MTMR9: variants seen among roughly 807,000 people sequenced by gnomAD.
MTMR9 encodes the protein myotubularin related protein 9.
In MTMR9, 39 loss-of-function variants were observed where a neutral mutation model predicts 69.5. The observed-to-expected ratio is 0.56, with a 90% CI of 0.43 to 0.73. The LOEUF is 0.73. MTMR9 is among the 30% of genes least tolerant of loss of function. The pLI, the probability that MTMR9 is intolerant of heterozygous loss-of-function variation, is 0.00. For missense variants in MTMR9, 900 were observed against 671.2 expected (o/e 1.34, Z -3.77); for synonymous variants, 354 against 240.8 (o/e 1.47, Z -4.35).
intron 2 of MTMR9, among the ~76,000 whole-genome samples, chr8:11,296,907 T>C (rs1161729409): frequency 6.6e-6 from 1 of 152,170 alleles, no homozygotes; most frequent in Non-Finnish European, 1.5e-5. Context: ...TAATATTGAA[T>C]ATTGGTTCAG....
At chr8:11,328,646 C>A (rs1801055489), downstream of MTMR9, among the ~76,000 whole-genome samples, 1 of 152,154 alleles carries the variant, frequency 6.6e-6, no homozygotes, top group African/African-American at 2.4e-5. Flanking sequence ...TAGGCAATGC[C>A]TAACAGTGAA....
rs993397161 is a variant in MTMR9, at chr8:11,327,859, G to A, written c.*5071G>A. The A allele has an allele frequency of 1.3e-5, 2 of 152,498 alleles. No homozygotes were observed. Among genetic ancestry groups the A allele is most frequent in the African/African-American group, 2.4e-5 (1 of 41,392 alleles). The allele number at this position is 152,498 out of a possible 1,614,324, so 9.4% of individuals were successfully genotyped here. On this transcript the variant is annotated 3_prime_UTR_variant, in exon 10 of 10. Coordinates refer to ENST00000221086, the MANE Select transcript of MTMR9 (RefSeq NM_015458.4). Reference sequence around the variant, plus strand: ...ACAGTCTTAGGGAAAAAAAAAAGCAGAACTTTTGTAAGTCTGTGTAACATT... The same window carrying A: ...ACAGTCTTAGGGAAAAAAAAAAGCAAAACTTTTGTAAGTCTGTGTAACATT...
chr8:11,331,623 C>T, downstream of MTMR9: 2 of 1,608,818 alleles, frequency 1.2e-6, no homozygotes, highest in South Asian at 1.1e-5. Context: ...AATCATCATT[C>T]TGGGACCTGG....
the MTMR9 span, among the ~76,000 whole-genome samples, chr8:11,338,748 C>G: frequency 2.0e-5 from 3 of 152,184 alleles, no homozygotes; most frequent in African/African-American, 4.8e-5. Flanking sequence ...GTTTCTAAAT[C>G]TGAAATATTC....
intron 2 of MTMR9, among the ~76,000 whole-genome samples, chr8:11,295,972 C>G (rs1424968955): frequency 6.6e-6 from 1 of 152,094 alleles, no homozygotes; most frequent in South Asian, 2.1e-4. Flanking sequence ...CACTTCTCTA[C>G]CAGGTTAGCA....
chr8:11,315,116 C>G, intron 7 of MTMR9, 52 bp downstream of exon 7: 1 of 1,586,258 alleles, frequency 6.3e-7, no homozygotes, highest in Non-Finnish European at 8.6e-7. Context: ...TGCTGTGATC[C>G]TGCTTTGTGT....
chr8:11,306,228 C>A lies in MTMR9; in HGVS notation c.630C>A (p.Asn210Lys). The A allele has an allele frequency of 6.2e-7, 1 of 1,613,440 alleles. No individual in the cohort carries two copies. The change falls in exon 5 of 10, where the codon AAC (asparagine) becomes AAA (lysine). Residue 210 changes from asparagine (N) to lysine (K), a missense_variant. Coordinates refer to ENST00000221086, the MANE Select transcript of MTMR9 (RefSeq NM_015458.4). ...GTGGTCAGCCACTCACTGGTACAAACGGGAGGAGGTGCAAGGAGGACGAGA... is the reference window on the plus strand; with the variant it reads ...GTGGTCAGCCACTCACTGGTACAAAAGGGAGGAGGTGCAAGGAGGACGAGA... ...MRSGQPLTGTNGRRCKEDEKL... is the reference protein window; with the variant it reads ...MRSGQPLTGTKGRRCKEDEKL...
chr8:11,320,010 G>T, intron 9 of MTMR9, 172 bp downstream of exon 9: 1 of 537,850 alleles, frequency 1.9e-6, no homozygotes, highest in East Asian at 3.3e-5. Context: ...CAGTTATCTA[G>T]CCACACTTTT....
chr8:11,337,697 A>G, the MTMR9 span, among the ~76,000 whole-genome samples: 1 of 152,192 alleles, frequency 6.6e-6, no homozygotes. Context: ...AAAGCAAACT[A>G]TTTCTCATGA....
Position 11,322,623 on chromosome 8 carries a change from A to C in MTMR9, c.1487-2A>C. ...TCTGTTTTCCATTCCTGGATTCAAT[A>C]GGTATTTTCCTACGTTGGAATAGAT... On this transcript the variant is annotated splice_acceptor_variant, in intron 9 of 9. Coordinates refer to ENST00000221086, the MANE Select transcript of MTMR9 (RefSeq NM_015458.4). LOFTEE classifies it high-confidence loss of function. 1 of 1,612,658 alleles carries C rather than the reference A, an allele frequency of 6.2e-7. No individual in the cohort carries two copies. Among genetic ancestry groups the C allele is most frequent in the Non-Finnish European group, 8.5e-7 (1 of 1,179,234 alleles).
In MTMR9 at chr8:11,327,230, C is replaced by G. The variant is rs763866712; in HGVS notation, c.*4442C>G. On this transcript the variant is annotated 3_prime_UTR_variant, in exon 10 of 10. Coordinates refer to ENST00000221086, the MANE Select transcript of MTMR9 (RefSeq NM_015458.4). ...TGTTATCTAAATCCTTTTTAAGAAA[C>G]TTAATGTTCCAGCTCTTGAACTACA... The G allele has an allele frequency of 6.6e-6, 1 of 152,148 alleles. No individual in the cohort carries two copies. The highest frequency in any genetic ancestry group is 1.5e-5 in the Non-Finnish European group (1 of 68,020). 9.4% of individuals were successfully genotyped at this position (152,148 alleles called of 1,614,324 possible). A position where few individuals can be genotyped will look rare whatever the true frequency, so the allele number is the denominator to read the frequency against.
Position 11,315,012 on chromosome 8 carries a change from G to A in MTMR9, c.1061G>A (p.Arg354Lys). ...TSLAQIILEP[R>K]SRTIRGFEAL... ...TTGGCCCAGATCATCTTAGAGCCAA[G>A]AAGCAGGACCATTCGTGGTTTTGAG... The change falls in exon 7 of 10, where the codon AGA becomes AAA. Residue 354 changes from arginine to lysine, a missense_variant. Arg to Lys is a conservative substitution (Grantham distance 26). Coordinates refer to ENST00000221086, the MANE Select transcript of MTMR9 (RefSeq NM_015458.4). 6.2e-7 allele frequency: 1 copy of A among 1,614,018 alleles called. No individual in the cohort carries two copies. The highest frequency in any genetic ancestry group is 8.5e-7 in the Non-Finnish European group (1 of 1,179,914).
At chr8:11,309,191 A>C (rs1585124521) in intron 5 of MTMR9, among the ~76,000 whole-genome samples, 1 of 152,038 alleles carries the variant, frequency 6.6e-6, no homozygotes, top group Non-Finnish European at 1.5e-5. Flanking sequence ...GATCGGTGGG[A>C]ACAGGATTGC....
intron 2 of MTMR9, among the ~76,000 whole-genome samples, chr8:11,296,038 A>G (rs1381214599): frequency 6.6e-6 from 1 of 152,118 alleles, no homozygotes; most frequent in East Asian, 1.9e-4. Flanking sequence ...TGTAATAAAT[A>G]CAGTTCTAAA....
intron 7 of MTMR9, among the ~76,000 whole-genome samples, chr8:11,315,585 G>T (rs1158189405): frequency 6.6e-6 from 1 of 152,166 alleles, no homozygotes; most frequent in East Asian, 1.9e-4. Context: ...TATTTCTACT[G>T]TGTAAGCTGG....
downstream of MTMR9, chr8:11,331,492 A>G (rs745921732): frequency 1.1e-5 from 17 of 1,613,292 alleles, no homozygotes; most frequent in South Asian, 1.6e-4. Context: ...CCCGCTGGCA[A>G]CGCTGCCACT....
At chr8:11,317,251 G>A (rs1337150536) in intron 8 of MTMR9, 2 of 155,344 alleles carry the variant, frequency 1.3e-5, no homozygotes, top group African/African-American at 4.8e-5. Context: ...GAAGTTACGT[G>A]ACTTTTCCCA....
At position 11,305,032 on chromosome 8, in the gene MTMR9, C is replaced by T. The variant is rs754045480; in HGVS notation, c.591+18C>T. 8.7e-6 allele frequency: 14 copies of T among 1,609,262 alleles called. No homozygotes were observed. Among genetic ancestry groups the T allele is most frequent in the Non-Finnish European group, 1.1e-5 (13 of 1,176,520 alleles). On this transcript the variant is annotated intron_variant, in intron 4 of 9. Transcript: ENST00000221086. ...ATGGGATGGTAAGTGCACAGCACTA[C>T]TGCTTGATGTACTGAAAGGCTTGGG...
chr8:11,331,243 G>A (rs6990563), downstream of MTMR9: 754,254 of 1,613,026 alleles, frequency 0.47, 181,558 homozygotes, highest in East Asian at 0.71. Context: ...GCCCTGCTGG[G>A]TGGGGGCCTG....
Sources: allele counts gnomAD v4.1 joint callset (sites outside exome capture counted in the v4.1 genomes callset), GRCh38; gene constraint gnomAD v4.1.1; transcripts MANE v1.5; gene names NCBI Gene and HGNC (gene_info 2026-07-23, HGNC 2026-07-21).